The following PTPRM variants were observed in gnomAD, a reference collection of about 807,000 sequenced individuals.
The protein encoded by PTPRM is protein tyrosine phosphatase receptor type M.
PTPRM carries 47 observed loss-of-function variants against 186.7 expected under a neutral mutation model. The ratio of observed to expected loss-of-function variants is 0.25; its 90% CI spans 0.20 to 0.32. The LOEUF is 0.32. PTPRM is among the 10% of genes least tolerant of loss of function. The pLI is 1.00. For synonymous variants in PTPRM, 668 were observed against 674.9 expected, an observed-to-expected ratio of 0.99 and a Z score of 0.16; for missense variants, 1,494 against 1,865.0, an observed-to-expected ratio of 0.80 and a Z score of 3.66.
intron 7 of PTPRM, among the ~76,000 whole-genome samples, chr18:7,980,509 A>G (rs1337957560): frequency 6.6e-6 from 1 of 151,956 alleles, no homozygotes; most frequent in East Asian, 1.9e-4. Flanking sequence ...TCAGCCTCCC[A>G]GGTAGCTAGG....
At chr18:7,800,120 G>T (rs1159316590) in intron 2 of PTPRM, among the ~76,000 whole-genome samples, 1 of 152,100 alleles carries the variant, frequency 6.6e-6, no homozygotes, top group East Asian at 1.9e-4. Context: ...CACATTAATT[G>T]TACCTATTAC....
intron 2 of PTPRM, among the ~76,000 whole-genome samples, chr18:7,819,670 A>T (rs7233704): frequency 0.52 from 79,071 of 152,036 alleles, 22,268 homozygotes; most frequent in East Asian, 0.78. Flanking sequence ...TCCTTGCAGT[A>T]AGGCAGGGCT....
At chr18:7,635,023 T>G (rs1283226678) in intron 1 of PTPRM, among the ~76,000 whole-genome samples, 1 of 152,142 alleles carries the variant, frequency 6.6e-6, no homozygotes, top group African/African-American at 2.4e-5. Flanking sequence ...AAAACTAAAT[T>G]TGTCCTACCA....
At chr18:7,664,448 C>T (rs535270591) in intron 1 of PTPRM, among the ~76,000 whole-genome samples, 71 of 152,338 alleles carry the variant, frequency 4.7e-4, no homozygotes, top group Middle Eastern at 3.4e-3. Context: ...CTGGAGCCTG[C>T]GCTGTTCTCA....
intron 2 of PTPRM, among the ~76,000 whole-genome samples, chr18:7,863,551 A>G (rs1361023761): frequency 6.6e-6 from 1 of 152,122 alleles, no homozygotes; most frequent in Admixed American, 6.5e-5. Context: ...ATGGCTGCCT[A>G]GTATTTCATG....
chr18:7,949,210 G>A lies in PTPRM; in HGVS notation c.693G>A (p.Lys231=). The A allele has an allele frequency of 6.2e-7, 1 of 1,610,368 alleles. No homozygotes were observed. The highest frequency in any genetic ancestry group is 8.5e-7 in the Non-Finnish European group (1 of 1,176,708). The change falls in exon 6 of 33, where the codon AAG becomes AAA. Residue 231 remains lysine, a synonymous_variant. Coordinates refer to ENST00000580170, the MANE Select transcript of PTPRM (RefSeq NM_001105244.2). ...TTGATGTGCGAGATGCTCCTCTGAAGGAAATCAAGGTGACCAGCTCCCGAC... is the reference window on the plus strand; with the variant it reads ...TTGATGTGCGAGATGCTCCTCTGAAAGAAATCAAGGTGACCAGCTCCCGAC... The part of the protein sequence containing the change: ...QGIDVRDAPL[K]EIKVTSSRRF...
rs79480341 is a variant in PTPRM at position 8,126,270 on chromosome 18, G to A, written c.2167+11443G>A. 7.6e-3 allele frequency among the ~76,000 whole-genome samples: 1,144 copies of A among 151,154 alleles called. 12 individuals are homozygous for A. Among genetic ancestry groups the A allele is most frequent in the African/African-American group, 0.026 (1,081 of 41,358 alleles). ...ATTGTGAGTAAATTTTGATTGAGGG[G>A]AGGAATATTTTGAAATTGGTTTATT... On this transcript the variant is annotated intron_variant, in intron 13 of 32. Coordinates refer to ENST00000580170, the MANE Select transcript of PTPRM (RefSeq NM_001105244.2).
In PTPRM at chr18:7,568,714, G is replaced by A. The variant is rs2036497385; in HGVS notation, c.73+823G>A. 6.6e-6 allele frequency among the ~76,000 whole-genome samples: 1 copy of A among 152,296 alleles called. No homozygotes were observed. The highest frequency in any genetic ancestry group is 2.1e-4 in the South Asian group (1 of 4,830). On this transcript the variant is annotated intron_variant, in intron 1 of 32. Transcript: ENST00000580170. This position sits in a 1 kb window ranked among gnomAD's most constrained non-coding sequence, Gnocchi z 5.1. Reference sequence around the variant, plus strand: ...TGGCGGTGTGCGAGCAAGCGTGTGAGTGTGTGCGCGTGTGTGCCTGCACGC... The same window carrying A: ...TGGCGGTGTGCGAGCAAGCGTGTGAATGTGTGCGCGTGTGTGCCTGCACGC...
At chr18:8,044,855 A>G (rs1416414491) in intron 7 of PTPRM, among the ~76,000 whole-genome samples, 3 of 152,156 alleles carry the variant, frequency 2.0e-5, no homozygotes, top group Non-Finnish European at 4.4e-5. Flanking sequence ...ATGGAAAATA[A>G]TAAGTGTTGG....
intron 7 of PTPRM, among the ~76,000 whole-genome samples, chr18:7,983,966 C>T (rs1001825842): frequency 2.6e-5 from 4 of 152,248 alleles, no homozygotes; most frequent in South Asian, 2.1e-4. Flanking sequence ...TTATCAAGGT[C>T]GGTAGCTGAT....
At chr18:8,305,340 A>G (rs980894220) in intron 20 of PTPRM, among the ~76,000 whole-genome samples, 1 of 152,236 alleles carries the variant, frequency 6.6e-6, no homozygotes, top group Non-Finnish European at 1.5e-5. Context: ...GATGAAAATG[A>G]TCAGGTCTTG....
chr18:7,582,433 G>C (rs180737560), intron 1 of PTPRM, among the ~76,000 whole-genome samples: 1 of 152,258 alleles, frequency 6.6e-6, no homozygotes, highest in Admixed American at 6.5e-5. Context: ...CTAATGCTTG[G>C]GAAGAGTACG....
chr18:7,731,470 T>C (rs2040657849), intron 1 of PTPRM, among the ~76,000 whole-genome samples: 1 of 152,172 alleles, frequency 6.6e-6, no homozygotes, highest in Non-Finnish European at 1.5e-5. Flanking sequence ...CATAGAATAG[T>C]AGAGTTAGGA....
chr18:7,609,695 T>C (rs375622864), intron 1 of PTPRM, among the ~76,000 whole-genome samples: 1 of 152,278 alleles, frequency 6.6e-6, no homozygotes, highest in African/African-American at 2.4e-5. Flanking sequence ...CAGTTTCTGA[T>C]CTACTGCCAT....
intron 1 of PTPRM, among the ~76,000 whole-genome samples, chr18:7,654,774 A>G (rs1386241800): frequency 1.3e-5 from 2 of 151,856 alleles, no homozygotes; most frequent in Non-Finnish European, 2.9e-5. Context: ...GTGTGGCCTT[A>G]TTTCTGGTTT....
chr18:7,809,212 G>A lies in PTPRM; in HGVS notation c.196+34941G>A, dbSNP rs1042481534. 2.6e-5 allele frequency among the ~76,000 whole-genome samples: 4 copies of A among 152,240 alleles called. No homozygotes were observed. In the East Asian group the frequency reaches 7.8e-4, roughly 30 times the overall value. On this transcript the variant is annotated intron_variant, in intron 2 of 32. Coordinates refer to ENST00000580170, the MANE Select transcript of PTPRM (RefSeq NM_001105244.2). ...GGTGTTTTCCAGGATGCCGGTAGGA[G>A]GCGGCAGGCAAGAGAGTGAAGCTCT...
chr18:8,304,418 G>T (rs1380735196), intron 20 of PTPRM, among the ~76,000 whole-genome samples: 2 of 152,222 alleles, frequency 1.3e-5, no homozygotes, highest in Admixed American at 1.3e-4. Context: ...GCACTGGTTT[G>T]TTGTGACAAG....
intron 1 of PTPRM, among the ~76,000 whole-genome samples, chr18:7,654,023 G>A (rs1025801820): frequency 6.6e-6 from 1 of 152,160 alleles, no homozygotes; most frequent in East Asian, 1.9e-4. Context: ...ACTGGTGTGA[G>A]ATGGTATCTC....
intron 14 of PTPRM, among the ~76,000 whole-genome samples, chr18:8,186,455 A>G (rs1325889182): frequency 6.6e-6 from 1 of 152,114 alleles, no homozygotes; most frequent in Non-Finnish European, 1.5e-5. Flanking sequence ...TAACCAGGAT[A>G]TATTGATCTA....
Sources: gnomAD v4.1 joint callset for allele counts (sites outside exome capture counted in the v4.1 genomes callset) on GRCh38, gnomAD v4.1.1 for gene constraint, Gnocchi (gnomAD v3.1) non-coding constraint, MANE v1.5 for transcripts, NCBI Gene and HGNC (gene_info 2026-07-23, HGNC 2026-07-21) for gene names.